The following TMEM178B variants were observed in gnomAD, a reference collection of about 807,000 sequenced individuals.
The protein encoded by TMEM178B is transmembrane protein 178B.
In TMEM178B, 5 loss-of-function variants were observed where a neutral mutation model predicts 31.0. That is an observed-to-expected ratio of 0.16 (90% CI 0.08 to 0.34). The LOEUF is 0.34. Among genes scored for constraint, TMEM178B ranks in the 10% least tolerant of loss-of-function variants. TMEM178B has a pLI of 1.00. For synonymous variants in TMEM178B, 164 were observed against 164.0 expected, an observed-to-expected ratio of 1.00 and a Z score of 0.00; for missense variants, 275 against 400.3, an observed-to-expected ratio of 0.69 and a Z score of 2.67.
intron 2 of TMEM178B, among the ~76,000 whole-genome samples, chr7:141,391,412 G>A (rs1342139772): frequency 6.6e-6 from 1 of 151,942 alleles, no homozygotes. Context: ...TACCCGCCTC[G>A]GCATCCCAAA....
intron 1 of TMEM178B, among the ~76,000 whole-genome samples, chr7:141,191,257 C>T (rs899486365): frequency 4.6e-5 from 7 of 152,142 alleles, no homozygotes; most frequent in Non-Finnish European, 1.5e-5. Flanking sequence ...ATAATTTATT[C>T]ATTCTCCTAT....
chr7:141,421,698 C>G lies in TMEM178B; in HGVS notation c.497-15910C>G, dbSNP rs191388457. On this transcript the variant is annotated intron_variant, in intron 2 of 3. Transcript: ENST00000565468. ...TAGAAAATTCTTAGAACATGCCTAGCACATCAGAAATCCTAGCTTTATCAT... is the reference window on the plus strand; with the variant it reads ...TAGAAAATTCTTAGAACATGCCTAGGACATCAGAAATCCTAGCTTTATCAT... Among the ~76,000 whole-genome samples the G allele has an allele frequency of 1.2e-4, 18 of 152,258 alleles. No homozygotes were observed. The East Asian group carries it at 3.3e-3, about 28-fold the overall frequency.
intron 3 of TMEM178B, 78 bp from the exon 4 acceptor site, chr7:141,470,458 T>C: frequency 7.3e-7 from 1 of 1,370,116 alleles, no homozygotes; most frequent in East Asian, 2.7e-5. Flanking sequence ...TAATATTAAC[T>C]TTTCTCTTTC....
At chr7:141,148,204 T>A (rs898338711) in intron 1 of TMEM178B, among the ~76,000 whole-genome samples, 2 of 152,136 alleles carry the variant, frequency 1.3e-5, no homozygotes, top group Non-Finnish European at 2.9e-5. Flanking sequence ...TCCATCATCT[T>A]CTCCAACTTT....
the TMEM178B span, among the ~76,000 whole-genome samples, chr7:141,503,302 C>T: frequency 3.2e-4 from 48 of 152,298 alleles, no homozygotes; most frequent in South Asian, 1.2e-3. Context: ...TCAAATAAGG[C>T]TTTTCAAGCA....
In TMEM178B at chr7:141,074,683, A is replaced by G. The variant is rs1452286653; in HGVS notation, c.373A>G (p.Ile125Val). The change falls in exon 1 of 4, where the codon ATT becomes GTT. Residue 125 changes from isoleucine (I) to valine (V), a missense_variant. Transcript: ENST00000565468. This position sits in a 1 kb window ranked among gnomAD's most constrained non-coding sequence, Gnocchi z 5.1. ...CTTCGACCCCGAGATCGCCGCCCTC[A>G]TTCGGAAAGGTAAGCGCCGGGCGCA... ...QGFDPEIAALIRKGEIERCTY... is the reference protein window; with the variant it reads ...QGFDPEIAALVRKGEIERCTY... 6.7e-7 allele frequency: 1 copy of G among 1,503,236 alleles called. No homozygotes were observed. Among genetic ancestry groups the G allele is most frequent in the South Asian group, 1.2e-5 (1 of 80,040 alleles). The allele number at this position is 1,503,236 out of a possible 1,614,324, so 93.1% of individuals were successfully genotyped here.
At chr7:141,250,143 A>G (rs1797806747) in intron 2 of TMEM178B, among the ~76,000 whole-genome samples, 1 of 152,078 alleles carries the variant, frequency 6.6e-6, no homozygotes, top group African/African-American at 2.4e-5. Flanking sequence ...ACTACCTCCA[A>G]TCCTCTCAAA....
intron 2 of TMEM178B, among the ~76,000 whole-genome samples, chr7:141,328,098 C>A (rs1233126129): frequency 6.6e-6 from 1 of 152,204 alleles, no homozygotes; most frequent in Admixed American, 6.5e-5. Context: ...TCTTCACTTG[C>A]ATACTCAATT....
At chr7:141,220,610 T>G (rs1797242800) in intron 2 of TMEM178B, among the ~76,000 whole-genome samples, 1 of 152,132 alleles carries the variant, frequency 6.6e-6, no homozygotes, top group Admixed American at 6.5e-5. Flanking sequence ...GAACAAAACC[T>G]AAGAACCACT....
At chr7:141,219,444 G>T (rs1221104263) in intron 2 of TMEM178B, among the ~76,000 whole-genome samples, 1 of 152,172 alleles carries the variant, frequency 6.6e-6, no homozygotes, top group Non-Finnish European at 1.5e-5. Flanking sequence ...GCGATCTGTT[G>T]TTAGCTGCCT....
At chr7:141,144,171 A>AT (rs1442259397) in intron 1 of TMEM178B, among the ~76,000 whole-genome samples, 4 of 152,154 alleles carry the variant, frequency 2.6e-5, no homozygotes. Flanking sequence ...AGTAAAGACA[A>AT]TTTGACTCCT....
intron 2 of TMEM178B, among the ~76,000 whole-genome samples, chr7:141,366,563 T>C (rs1800008823): frequency 6.6e-6 from 1 of 152,210 alleles, no homozygotes; most frequent in Non-Finnish European, 1.5e-5. Flanking sequence ...TTTGCATTCT[T>C]GGCATTTCGA....
chr7:141,339,630 G>A (rs1397708695), intron 2 of TMEM178B, among the ~76,000 whole-genome samples: 2 of 152,188 alleles, frequency 1.3e-5, no homozygotes, highest in African/African-American at 4.8e-5. Flanking sequence ...TGTGGTTCAT[G>A]AAAGAAAATG....
chr7:141,143,962 T>G (rs1795813721), intron 1 of TMEM178B, among the ~76,000 whole-genome samples: 1 of 152,224 alleles, frequency 6.6e-6, no homozygotes, highest in South Asian at 2.1e-4. Flanking sequence ...CTAGATTTTT[T>G]TAAATTTTAT....
chr7:141,424,967 C>T (rs1801286409), intron 2 of TMEM178B, among the ~76,000 whole-genome samples: 1 of 152,114 alleles, frequency 6.6e-6, no homozygotes, highest in African/African-American at 2.4e-5. Flanking sequence ...ATGGACAGAC[C>T]AAGACACCTT....
At chr7:141,496,260 A>G in the TMEM178B span, among the ~76,000 whole-genome samples, 1 of 152,106 alleles carries the variant, frequency 6.6e-6, no homozygotes, top group Non-Finnish European at 1.5e-5. Flanking sequence ...TCCTGGGGCA[A>G]GATGGAGGAG....
In TMEM178B at chr7:141,340,727, A is replaced by C. The variant is rs140196595; in HGVS notation, c.497-96881A>C. Among the ~76,000 whole-genome samples the C allele has an allele frequency of 3.5e-3, 533 of 152,342 alleles. 2 individuals are homozygous for C. The highest frequency in any genetic ancestry group is 0.012 in the African/African-American group (507 of 41,576). On this transcript the variant is annotated intron_variant, in intron 2 of 3. Transcript: ENST00000565468. ...GTAAAAGGAAAGGAAAAGAAATATC[A>C]TACCTTGACATGAAACTGTACCTGA...
intron 2 of TMEM178B, among the ~76,000 whole-genome samples, chr7:141,268,334 T>C (rs1419280979): frequency 6.6e-6 from 1 of 152,184 alleles, no homozygotes; most frequent in Non-Finnish European, 1.5e-5. Flanking sequence ...ATGAAAAGCT[T>C]ATGGGAAAAA....
In TMEM178B at chr7:141,276,075, A is replaced by G. The variant is rs79956604; in HGVS notation, c.496+63371A>G. The stretch of plus-strand genomic sequence containing the variant: ...CTCAGTGCTCACCAGTTTGCTCCAG[A>G]TGTTTTTCCTGAGTATTAGAAAGGC... On this transcript the variant is annotated intron_variant, in intron 2 of 3. Coordinates refer to ENST00000565468, the MANE Select transcript of TMEM178B (RefSeq NM_001195278.2). Among the ~76,000 whole-genome samples, 295 of 152,332 alleles carry G rather than the reference A, an allele frequency of 1.9e-3. 8 individuals are homozygous for G. In the East Asian group the frequency reaches 0.037, roughly 19 times the overall value.
Sources: gnomAD v4.1 joint callset for allele counts (sites outside exome capture counted in the v4.1 genomes callset) on GRCh38, gnomAD v4.1.1 for gene constraint, Gnocchi (gnomAD v3.1) non-coding constraint, MANE v1.5 for transcripts, NCBI Gene and HGNC (gene_info 2026-07-23, HGNC 2026-07-21) for gene names.